Variants in SOWAHB observed in about 807,000 individuals in gnomAD.
SOWAHB encodes the protein sosondowah ankyrin repeat domain family member B.
A neutral mutation model predicts 18.3 loss-of-function variants in SOWAHB; 17 were observed. The observed-to-expected ratio is 0.93, with a 90% CI of 0.64 to 1.40. The LOEUF (loss-of-function observed/expected upper bound fraction) is 1.40. Ranked by LOEUF, SOWAHB falls within the 40% of genes most tolerant of loss-of-function variation. The pLI is 0.00. For synonymous variants in SOWAHB, 496 were observed against 448.1 expected, an observed-to-expected ratio of 1.11 and a Z score of -1.35; for missense variants, 1,126 against 1,033.7, an observed-to-expected ratio of 1.09 and a Z score of -1.22.
Position 76,897,090 on chromosome 4 carries a change from C to T in SOWAHB, c.760G>A (p.Ala254Thr). The change falls in exon 1 of 1, where the codon GCA (alanine) becomes ACA (threonine). Residue 254 changes from alanine to threonine, a missense_variant. Transcript: ENST00000334306. The surrounding 1 kb of genome is among the most constrained non-coding windows in gnomAD (Gnocchi z 6.4). ...GTGGCGGGAGGCGAGTGAGCCACTGCAGGCACAGGCGCCGGCTCAGCTAGC... is the reference window on the plus strand; with the variant it reads ...GTGGCGGGAGGCGAGTGAGCCACTGTAGGCACAGGCGCCGGCTCAGCTAGC... ...GALAEPAPVP[A>T]VAHSPPATVE... 1 of 1,537,460 alleles carries T rather than the reference C, an allele frequency of 6.5e-7. No individual in the cohort carries two copies. The highest frequency in any genetic ancestry group is 8.7e-7 in the Non-Finnish European group (1 of 1,147,652).
At position 76,895,597 on chromosome 4, in the gene SOWAHB, T is replaced by C. The variant is rs1719890159; in HGVS notation, c.2253A>G (p.Glu751=). 8 of 1,614,216 alleles carry C rather than the reference T, an allele frequency of 5.0e-6. No homozygotes were observed. Among genetic ancestry groups the C allele is most frequent in the Non-Finnish European group, 6.8e-6 (8 of 1,180,030 alleles). ...TTTTTCGGGTGACACTTCTAGATAT[T>C]TCCTTGCTCTTGGCCTTTCTGGTAG... ...SSPTRKAKSK[E]ISRSVTRKTS... is the part of the protein sequence containing the mutation. Residue 751 remains glutamate (E), a synonymous_variant, in exon 1 of 1, where the codon GAA becomes GAG. Transcript: ENST00000334306.
chr4:76,897,703 C>T lies in SOWAHB; in HGVS notation c.147G>A (p.Glu49=). 1.2e-6 allele frequency: 2 copies of T among 1,611,638 alleles called. No homozygotes were observed. The highest frequency in any genetic ancestry group is 1.7e-6 in the Non-Finnish European group (2 of 1,179,900). The change falls in exon 1 of 1, where the codon GAG becomes GAA. Residue 49 remains glutamate (E), a synonymous_variant. Coordinates refer to ENST00000334306, the MANE Select transcript of SOWAHB (RefSeq NM_001029870.3). This position sits in a 1 kb window ranked among gnomAD's most constrained non-coding sequence, Gnocchi z 6.4. ...CCGAGTTGACGAAGCCCTTGAAGAG[C>T]TCGCGGCGGTGCTGGTGCTGGCTGG... ...ASPSQHQHRR[E]LFKGFVNSVA...
In SOWAHB at chr4:76,897,510, C is replaced by T; in HGVS notation, c.340G>A (p.Glu114Lys). The T allele has an allele frequency of 2.1e-6, 3 of 1,419,224 alleles. No individual in the cohort carries two copies. The highest frequency in any genetic ancestry group is 3.3e-5 in the Admixed American group (1 of 30,484). 87.9% of individuals were successfully genotyped at this position (1,419,224 alleles called of 1,614,324 possible). A position where few individuals can be genotyped will look rare whatever the true frequency, so the allele number is the denominator to read the frequency against. Reference sequence around the variant, plus strand: ...CGCCTGGGCTGCTGCTGGGGCGGCTCCCCCCGGCGCGCGCCTCGCGGGGAG... The same window carrying T: ...CGCCTGGGCTGCTGCTGGGGCGGCTTCCCCCGGCGCGCGCCTCGCGGGGAG... ...PCSPRGARRGEPPQQQPRRRR... is the reference protein window; with the variant it reads ...PCSPRGARRGKPPQQQPRRRR... The change falls in exon 1 of 1, where the codon GAG becomes AAG. Residue 114 changes from glutamate (E) to lysine (K), a missense_variant. By Grantham distance (56) the Glu-to-Lys change is moderately conservative (BLOSUM62 1). Coordinates refer to ENST00000334306, the MANE Select transcript of SOWAHB (RefSeq NM_001029870.3). This position sits in a 1 kb window ranked among gnomAD's most constrained non-coding sequence, Gnocchi z 6.4.
In SOWAHB at chr4:76,896,759, A is replaced by C; in HGVS notation, c.1091T>G (p.Val364Gly). 1.2e-6 allele frequency: 2 copies of C among 1,613,936 alleles called. No individual in the cohort carries two copies. The highest frequency in any genetic ancestry group is 1.7e-6 in the Non-Finnish European group (2 of 1,180,030). The change falls in exon 1 of 1, where the codon GTT becomes GGT. Residue 364 changes from valine (V) to glycine (G), a missense_variant. Val to Gly is a moderately radical substitution (Grantham distance 109). Transcript: ENST00000334306. The part of the protein sequence containing the change: ...PCLSSHSLFP[V>G]VPDESWESWA... ...GGATTCCCAGGACTCATCCGGAACA[A>C]CAGGAAAGAGAGAGTGCGAGGAAAG...
rs754909347 is a variant in SOWAHB, at chr4:76,897,154, C to A, written c.696G>T (p.Gln232His). 5.8e-6 allele frequency: 9 copies of A among 1,557,216 alleles called. No homozygotes were observed. The East Asian group carries it at 1.9e-4, about 32-fold the overall frequency. Residue 232 changes from glutamine to histidine, a missense_variant, in exon 1 of 1, where the codon CAG (glutamine) becomes CAT (histidine). Transcript: ENST00000334306. This position sits in a 1 kb window ranked among gnomAD's most constrained non-coding sequence, Gnocchi z 6.4. ...EEKPARALPA[Q>H]DDRGASRERE... is the part of the protein sequence containing the mutation. ...GCTCCCTGGAAGCCCCGCGGTCATC[C>A]TGGGCAGGCAGAGCCCGTGCCGGCT... is the stretch of plus-strand genomic sequence containing the variant.
At position 76,897,337 on chromosome 4, in the gene SOWAHB, C is replaced by A. The variant is rs1187173738; in HGVS notation, c.513G>T (p.Pro171=). 2.0e-6 allele frequency: 3 copies of A among 1,537,548 alleles called. No homozygotes were observed. Among genetic ancestry groups the A allele is most frequent in the African/African-American group, 1.4e-5 (1 of 72,898 alleles). The change falls in exon 1 of 1, where the codon CCG becomes CCT. Residue 171 remains proline (P), a synonymous_variant. Coordinates refer to ENST00000334306, the MANE Select transcript of SOWAHB (RefSeq NM_001029870.3). This position sits in a 1 kb window ranked among gnomAD's most constrained non-coding sequence, Gnocchi z 6.4. Reference sequence around the variant, plus strand: ...CTGCCGCTGCAGCTGCGGGCACCGGCGGCCTCTGTCCGGGACTGCCCTTCG... The same window carrying A: ...CTGCCGCTGCAGCTGCGGGCACCGGAGGCCTCTGTCCGGGACTGCCCTTCG... ...GGSKGSPGQR[P]PVPAAAAAGA...
At position 76,896,760 on chromosome 4, in the gene SOWAHB, C is replaced by G; in HGVS notation, c.1090G>C (p.Val364Leu). ...PCLSSHSLFP[V>L]VPDESWESWA... Reference sequence around the variant, plus strand: ...GATTCCCAGGACTCATCCGGAACAACAGGAAAGAGAGAGTGCGAGGAAAGA... The same window carrying G: ...GATTCCCAGGACTCATCCGGAACAAGAGGAAAGAGAGAGTGCGAGGAAAGA... The change falls in exon 1 of 1, where the codon GTT becomes CTT. Residue 364 changes from valine to leucine, a missense_variant. By Grantham distance (32) the Val-to-Leu change is conservative. Transcript: ENST00000334306. The G allele has an allele frequency of 6.2e-7, 1 of 1,613,926 alleles. No individual in the cohort carries two copies. Among genetic ancestry groups the G allele is most frequent in the Non-Finnish European group, 8.5e-7 (1 of 1,180,050 alleles).
chr4:76,896,586 C>A lies in SOWAHB; in HGVS notation c.1264G>T (p.Gly422Trp). Residue 422 changes from glycine (G) to tryptophan (W), a missense_variant, in exon 1 of 1, where the codon GGG (glycine) becomes TGG (tryptophan). Coordinates refer to ENST00000334306, the MANE Select transcript of SOWAHB (RefSeq NM_001029870.3). ...GGGGTTCCCAAGACAACCTGCAGCC[C>A]CTCTTCAGAAGCCCCCGGGGAGTCT... ...PKDSPGASEE[G>W]LQVVLGTPDR... The A allele has an allele frequency of 6.2e-7, 1 of 1,613,818 alleles. No individual in the cohort carries two copies.
At position 76,896,535 on chromosome 4, in the gene SOWAHB, C is replaced by T; in HGVS notation, c.1315G>A (p.Ala439Thr). 1 of 1,613,110 alleles carries T rather than the reference C, an allele frequency of 6.2e-7. No homozygotes were observed. Among genetic ancestry groups the T allele is most frequent in the Non-Finnish European group, 8.5e-7 (1 of 1,179,858 alleles). ...TTCCGAGATACAGAAAGGCCCCCAG[C>T]TGGATTCCTGAGCTTCCCCCTATCT... ...TPDRGKLRNP[A>T]GGLSVSRKEG... The change falls in exon 1 of 1, where the codon GCT becomes ACT. Residue 439 changes from alanine to threonine, a missense_variant. By Grantham distance (58) the Ala-to-Thr change is moderately conservative. Coordinates refer to ENST00000334306, the MANE Select transcript of SOWAHB (RefSeq NM_001029870.3).
chr4:76,896,688 G>A lies in SOWAHB; in HGVS notation c.1162C>T (p.Gln388Ter). The A allele has an allele frequency of 6.2e-7, 1 of 1,614,082 alleles. No individual in the cohort carries two copies. Among genetic ancestry groups the A allele is most frequent in the South Asian group, 1.1e-5 (1 of 91,086 alleles). The part of the protein sequence containing the change: ...SLTVFRSIRC[Q>*]LSLQDLDDFV... The stretch of plus-strand genomic sequence containing the variant: ...TCATCCAGATCTTGGAGGGACAGCT[G>A]ACAACGAATGCTGCGAAAGACAGTC... Residue 388 changes from glutamine (Q) to a stop codon, truncating the protein, a stop_gained, in exon 1 of 1, where the codon CAG becomes TAG. Transcript: ENST00000334306. LOFTEE classifies it low-confidence loss of function (END_TRUNC).
In SOWAHB at chr4:76,896,908, C is replaced by T. The variant is rs748976220; in HGVS notation, c.942G>A (p.Pro314=). The part of the protein sequence containing the change: ...QRTREWVARH[P]QVPEARDQGP... ...CCTGATCACGGGCCTCGGGCACCTG[C>T]GGGTGCCTGGCCACCCACTCTCGAG... Residue 314 remains proline (P), a synonymous_variant, in exon 1 of 1, where the codon CCG becomes CCA. Coordinates refer to ENST00000334306, the MANE Select transcript of SOWAHB (RefSeq NM_001029870.3). The T allele has an allele frequency of 1.9e-6, 3 of 1,611,770 alleles. No individual in the cohort carries two copies. The highest frequency in any genetic ancestry group is 2.2e-5 in the South Asian group (2 of 91,038).
chr4:76,897,216 G>C lies in SOWAHB; in HGVS notation c.634C>G (p.Leu212Val). 6.3e-7 allele frequency: 1 copy of C among 1,582,474 alleles called. No homozygotes were observed. The highest frequency in any genetic ancestry group is 8.5e-7 in the Non-Finnish European group (1 of 1,172,686). ...QNNLAVLPGE[L>V]GALPHSATAE... is the part of the protein sequence containing the mutation. Reference sequence around the variant, plus strand: ...GTGGCCGAGTGCGGGAGTGCGCCGAGCTCTCCCGGCAGTACAGCCAGGTTG... The same window carrying C: ...GTGGCCGAGTGCGGGAGTGCGCCGACCTCTCCCGGCAGTACAGCCAGGTTG... Residue 212 changes from leucine (L) to valine (V), a missense_variant, in exon 1 of 1, where the codon CTC becomes GTC. Coordinates refer to ENST00000334306, the MANE Select transcript of SOWAHB (RefSeq NM_001029870.3). The surrounding 1 kb of genome is among the most constrained non-coding windows in gnomAD (Gnocchi z 6.4).
Position 76,894,858 on chromosome 4 carries a change from A to G in SOWAHB, c.*610T>C, listed in dbSNP as rs1719872759. On this transcript the variant is annotated 3_prime_UTR_variant, in exon 1 of 1. Transcript: ENST00000334306. ...GAGGCATTAATCATTTTACCCATTA[A>G]CCACCATGCATGGAATTCAAAAGAA... 2.0e-5 allele frequency: 3 copies of G among 152,226 alleles called. No individual in the cohort carries two copies. Among genetic ancestry groups the G allele is most frequent in the Admixed American group, 2.0e-4 (3 of 15,288 alleles). The allele number at this position is 152,226 out of a possible 1,614,324, so 9.4% of individuals were successfully genotyped here. A position where few individuals can be genotyped will look rare whatever the true frequency, so the allele number is the denominator to read the frequency against.
chr4:76,896,271 G>A lies in SOWAHB; in HGVS notation c.1579C>T (p.Pro527Ser). The change falls in exon 1 of 1, where the codon CCT (proline) becomes TCT (serine). Residue 527 changes from proline (P) to serine (S), a missense_variant. Transcript: ENST00000334306. ...EGLLKRSRRP[P>S]RSRKPSKAGT... is the part of the protein sequence containing the mutation. ...GCCTTGGAGGGCTTCCTGGATCGAG[G>A]TGGGCGCCGACTTCTTTTCAGCAAG... 6.2e-7 allele frequency: 1 copy of A among 1,606,616 alleles called. No individual in the cohort carries two copies. Among genetic ancestry groups the A allele is most frequent in the Non-Finnish European group, 8.5e-7 (1 of 1,175,236 alleles).
Position 76,897,666 on chromosome 4 carries a change from G to A in SOWAHB, c.184C>T (p.Arg62Cys), listed in dbSNP as rs758441237. ...KGFVNSVAAV[R>C]QDPDGTKYVV... Reference sequence around the variant, plus strand: ...TACTTGGTGCCGTCGGGGTCCTGGCGCACTGCGGCGACCGAGTTGACGAAG... The same window carrying A: ...TACTTGGTGCCGTCGGGGTCCTGGCACACTGCGGCGACCGAGTTGACGAAG... The change falls in exon 1 of 1, where the codon CGC becomes TGC. Residue 62 changes from arginine to cysteine, a missense_variant. Coordinates refer to ENST00000334306, the MANE Select transcript of SOWAHB (RefSeq NM_001029870.3). The surrounding 1 kb of genome is among the most constrained non-coding windows in gnomAD (Gnocchi z 6.4). The A allele has an allele frequency of 8.7e-6, 14 of 1,612,338 alleles. No homozygotes were observed. The highest frequency in any genetic ancestry group is 1.2e-5 in the Non-Finnish European group (14 of 1,179,880).
Position 76,897,482 on chromosome 4 carries a change from C to T in SOWAHB, c.368G>A (p.Arg123Gln). ...GEPPQQQPRR[R>Q]RREKEPEEEP... ...CTCCTCCGGCTCCTTCTCGCGCCGC[C>T]GCCGCCTGGGCTGCTGCTGGGGCGG... is the stretch of plus-strand genomic sequence containing the variant. The change falls in exon 1 of 1, where the codon CGG becomes CAG. Residue 123 changes from arginine to glutamine, a missense_variant. Physicochemically the swap from Arg to Gln is conservative, Grantham distance 43. Transcript: ENST00000334306. This position sits in a 1 kb window ranked among gnomAD's most constrained non-coding sequence, Gnocchi z 6.4. 3.4e-6 allele frequency: 5 copies of T among 1,483,954 alleles called. No homozygotes were observed. The highest frequency in any genetic ancestry group is 3.6e-6 in the Non-Finnish European group (4 of 1,124,348). The allele number at this position is 1,483,954 out of a possible 1,614,324, so 91.9% of individuals were successfully genotyped here.
rs762393320 is a variant in SOWAHB at position 76,897,779 on chromosome 4, G to A, written c.71C>T (p.Ala24Val). 4.4e-6 allele frequency: 7 copies of A among 1,604,452 alleles called. No homozygotes were observed. The Admixed American group carries it at 1.0e-4, about 23-fold the overall frequency. The change falls in exon 1 of 1, where the codon GCT (alanine) becomes GTT (valine). Residue 24 changes from alanine to valine, a missense_variant. Transcript: ENST00000334306. The surrounding 1 kb of genome is among the most constrained non-coding windows in gnomAD (Gnocchi z 6.4). ...LCQAGGRVTN[A>V]ALLSHFKSFL... ...GCTCTTGAAGTGGCTCAGCAAGGCA[G>A]CGTTGGTCACGCGGCCCCCAGCCTG...
Position 76,897,157 on chromosome 4 carries a change from G to A in SOWAHB, c.693C>T (p.Ala231=), listed in dbSNP as rs1204751411. 4 of 1,559,048 alleles carry A rather than the reference G, an allele frequency of 2.6e-6. No individual in the cohort carries two copies. Among genetic ancestry groups the A allele is most frequent in the Non-Finnish European group, 3.4e-6 (4 of 1,159,746 alleles). ...CCCTGGAAGCCCCGCGGTCATCCTG[G>A]GCAGGCAGAGCCCGTGCCGGCTTCT... The part of the protein sequence containing the change: ...AEEKPARALP[A]QDDRGASRER... The change falls in exon 1 of 1, where the codon GCC becomes GCT. Residue 231 remains alanine (A), a synonymous_variant. Transcript: ENST00000334306. This position sits in a 1 kb window ranked among gnomAD's most constrained non-coding sequence, Gnocchi z 6.4.
At position 76,895,270 on chromosome 4, in the gene SOWAHB, T is replaced by C. The variant is rs187727892; in HGVS notation, c.*198A>G. On this transcript the variant is annotated 3_prime_UTR_variant, in exon 1 of 1. Transcript: ENST00000334306. Reference sequence around the variant, plus strand: ...CCGCCTCTTGTCTAGGTTTCTCCAGTCAAGGAGTTCAGCTTTCAAAAAGCT... The same window carrying C: ...CCGCCTCTTGTCTAGGTTTCTCCAGCCAAGGAGTTCAGCTTTCAAAAAGCT... The C allele has an allele frequency of 6.3e-4, 344 of 543,416 alleles. No homozygotes were observed. Among genetic ancestry groups the C allele is most frequent in the African/African-American group, 6.3e-3 (333 of 52,814 alleles). The allele number at this position is 543,416 out of a possible 1,614,324, so 33.7% of individuals were successfully genotyped here. A position where few individuals can be genotyped will look rare whatever the true frequency, so the allele number is the denominator to read the frequency against.
Sources: gnomAD v4.1 joint callset for allele counts on GRCh38, gnomAD v4.1.1 for gene constraint, Gnocchi (gnomAD v3.1) non-coding constraint, MANE v1.5 for transcripts, NCBI Gene and HGNC (gene_info 2026-07-23, HGNC 2026-07-21) for gene names.